The following GALNTL6 variants were observed in gnomAD, a reference collection of about 807,000 sequenced individuals.
GALNTL6 encodes polypeptide N-acetylgalactosaminyltransferase-like 6.
Under a neutral mutation model 73.7 loss-of-function variants are expected in GALNTL6, and 46 were observed. The observed-to-expected ratio is 0.62, with a 90% CI of 0.49 to 0.80. The LOEUF (loss-of-function observed/expected upper bound fraction) is 0.80, where lower values mean the gene tolerates loss of function less well. GALNTL6 is among the 30% of genes least tolerant of loss of function. The pLI is 0.00. For missense variants in GALNTL6, 604 were observed against 755.0 expected (o/e 0.80, Z 2.34); for synonymous variants, 259 against 263.7 (o/e 0.98, Z 0.17).
In GALNTL6 at chr4:171,998,046, T is replaced by C. The variant is rs866240314; in HGVS notation, c.138+183328T>C. On this transcript the variant is annotated intron_variant, in intron 2 of 12. Coordinates refer to ENST00000506823, the MANE Select transcript of GALNTL6 (RefSeq NM_001034845.3). ...CATCTTACTGTAGCATGGGTTCTTA[T>C]CCTATGCCTCTTTTACCCCATTAGA... Among the ~76,000 whole-genome samples, 5 of 152,102 alleles carry C rather than the reference T, an allele frequency of 3.3e-5. 1 individual carries two copies. In the South Asian group the frequency reaches 1.0e-3, roughly 31 times the overall value.
At chr4:171,991,728 GTGTA>G (rs201923534) in intron 2 of GALNTL6, among the ~76,000 whole-genome samples, 59,521 of 124,946 alleles carry the variant, frequency 0.48, 13,248 homozygotes, top group South Asian at 0.65. Flanking sequence ...GTGTGTGTGT[GTGTA>G]TATATATATA....
At chr4:172,280,098 G>T (rs1738988933) in intron 3 of GALNTL6, among the ~76,000 whole-genome samples, 1 of 152,152 alleles carries the variant, frequency 6.6e-6, no homozygotes, top group South Asian at 2.1e-4. Flanking sequence ...ATGCAGAGTT[G>T]TTATTTAACA....
At chr4:172,683,977 C>T (rs1396411848) in intron 5 of GALNTL6, among the ~76,000 whole-genome samples, 1 of 152,082 alleles carries the variant, frequency 6.6e-6, no homozygotes, top group African/African-American at 2.4e-5. Context: ...CACTCATCTT[C>T]CAGAAAAAAA....
chr4:172,048,672 G>T (rs1188789420), intron 2 of GALNTL6, among the ~76,000 whole-genome samples: 1 of 152,068 alleles, frequency 6.6e-6, no homozygotes, highest in African/African-American at 2.4e-5. Flanking sequence ...CTTAAAATTT[G>T]TACATTTTGA....
At chr4:172,567,828 A>G (rs1736614463) in intron 5 of GALNTL6, among the ~76,000 whole-genome samples, 1 of 152,062 alleles carries the variant, frequency 6.6e-6, no homozygotes, top group Admixed American at 6.6e-5. Context: ...ATAGTTGGAG[A>G]CTGTGTCTCA....
chr4:172,634,424 C>T (rs546628315), intron 5 of GALNTL6, among the ~76,000 whole-genome samples: 16 of 151,978 alleles, frequency 1.1e-4, no homozygotes, highest in South Asian at 2.1e-4. Flanking sequence ...CACTGTCCCC[C>T]GTGGCAATAG....
At chr4:172,104,640 T>C (rs903089354) in intron 2 of GALNTL6, among the ~76,000 whole-genome samples, 2 of 152,212 alleles carry the variant, frequency 1.3e-5, no homozygotes, top group African/African-American at 4.8e-5. Flanking sequence ...TTTAGATCTA[T>C]GAGTTTTAAC....
At chr4:172,238,812 G>C (rs1253407567) in intron 3 of GALNTL6, among the ~76,000 whole-genome samples, 1 of 152,010 alleles carries the variant, frequency 6.6e-6, no homozygotes, top group African/African-American at 2.4e-5. Context: ...TAATATAAAG[G>C]GATGCTGAAT....
In GALNTL6 at chr4:171,894,411, G is replaced by GC. The variant is rs1373851773; in HGVS notation, c.138+79693_138+79694insC. On this transcript the variant is annotated intron_variant, in intron 2 of 12. Coordinates refer to ENST00000506823, the MANE Select transcript of GALNTL6 (RefSeq NM_001034845.3). ...TAATATTAGAATATGTACAGCAATAGAAGTGCAGCCCTTTTAGTAATTGCA... is the reference window on the plus strand; with the variant it reads ...TAATATTAGAATATGTACAGCAATAGCAAGTGCAGCCCTTTTAGTAATTGCA... Among the ~76,000 whole-genome samples the GC allele has an allele frequency of 5.8e-4, 89 of 152,290 alleles. No homozygotes were observed. The East Asian group carries it at 8.5e-3, about 15-fold the overall frequency.
chr4:172,691,721 G>C (rs1733309526), intron 5 of GALNTL6, among the ~76,000 whole-genome samples: 1 of 152,186 alleles, frequency 6.6e-6, no homozygotes, highest in South Asian at 2.1e-4. Flanking sequence ...AGGTGCATCT[G>C]ATACAGAGAC....
At chr4:172,955,288 G>A (rs1749659202) in intron 10 of GALNTL6, among the ~76,000 whole-genome samples, 1 of 152,010 alleles carries the variant, frequency 6.6e-6, no homozygotes, top group African/African-American at 2.4e-5. Context: ...GACCAGCCTA[G>A]CCAACATGGT....
intron 2 of GALNTL6, among the ~76,000 whole-genome samples, chr4:172,224,469 G>C (rs10017310): frequency 6.6e-6 from 1 of 151,916 alleles, no homozygotes; most frequent in Non-Finnish European, 1.5e-5. Flanking sequence ...AACTAAGATA[G>C]GTTTTAGAAT....
intron 5 of GALNTL6, among the ~76,000 whole-genome samples, chr4:172,760,826 C>T (rs151323822): frequency 1.6e-4 from 25 of 152,266 alleles, no homozygotes; most frequent in African/African-American, 5.8e-4. Flanking sequence ...TCTCATGCCT[C>T]GCTAGGGCCT....
At chr4:172,431,271 C>T (rs1041971018) in intron 5 of GALNTL6, among the ~76,000 whole-genome samples, 11 of 152,054 alleles carry the variant, frequency 7.2e-5, no homozygotes, top group African/African-American at 2.7e-4. Context: ...CGATGCATTC[C>T]AATCAGAAAT....
chr4:172,708,565 C>A (rs1035052196), intron 5 of GALNTL6, among the ~76,000 whole-genome samples: 1 of 152,104 alleles, frequency 6.6e-6, no homozygotes. Flanking sequence ...TCCTTGTCTG[C>A]AAAATAAGAA....
chr4:171,901,336 C>A (rs941323485), intron 2 of GALNTL6, among the ~76,000 whole-genome samples: 4 of 152,104 alleles, frequency 2.6e-5, no homozygotes, highest in African/African-American at 9.7e-5. Context: ...GCATTAGAAG[C>A]CCCCACAAAG....
chr4:172,917,095 A>T (rs1200608049), intron 8 of GALNTL6, among the ~76,000 whole-genome samples: 1 of 152,178 alleles, frequency 6.6e-6, no homozygotes, highest in Non-Finnish European at 1.5e-5. Context: ...ATAATACCAC[A>T]CGTCTACAAC....
intron 2 of GALNTL6, among the ~76,000 whole-genome samples, chr4:172,120,894 G>T (rs1279768162): frequency 1.3e-5 from 2 of 151,926 alleles, no homozygotes; most frequent in African/African-American, 4.8e-5. Context: ...GGCAGGCCTA[G>T]TTTGCCTATA....
rs903787912 is a variant in GALNTL6 at position 173,005,532 on chromosome 4, A to AT, written c.1372-3646_1372-3645insT. On this transcript the variant is annotated intron_variant, in intron 10 of 12. Coordinates refer to ENST00000506823, the MANE Select transcript of GALNTL6 (RefSeq NM_001034845.3). ...TAAGTGTTCTTGTCTACATTTAAAA[A>AT]AAATATATTATTAGCGTGAATAAAC... Among the ~76,000 whole-genome samples the AT allele has an allele frequency of 1.9e-4, 18 of 94,798 alleles. No homozygotes were observed. In the South Asian group the frequency reaches 2.1e-3, roughly 11 times the overall value. The allele number at this position is 94,798 out of a possible 152,430, so 62.2% of individuals were successfully genotyped here.
Sources: allele counts gnomAD v4.1 joint callset (sites outside exome capture counted in the v4.1 genomes callset), GRCh38; gene constraint gnomAD v4.1.1; transcripts MANE v1.5; gene names NCBI Gene and HGNC (gene_info 2026-07-23, HGNC 2026-07-21).